GALNS: variants seen among roughly 807,000 people sequenced by gnomAD.
GALNS encodes galactosamine (N-acetyl)-6-sulfatase.
In GALNS, 65 loss-of-function variants were observed where a neutral mutation model predicts 65.9. The ratio of observed to expected loss-of-function variants is 0.99; its 90% CI spans 0.81 to 1.21. The LOEUF is 1.21. Ranked by LOEUF, GALNS falls within the 50% of genes most tolerant of loss-of-function variation. GALNS has a pLI of 0.00. For synonymous variants in GALNS, 346 were observed against 288.9 expected, an observed-to-expected ratio of 1.20 and a Z score of -2.00; for missense variants, 776 against 700.7, an observed-to-expected ratio of 1.11 and a Z score of -1.21.
rs80236712 is a variant in GALNS, at chr16:88,824,045, C to A, written c.1242+722G>T. Among the ~76,000 whole-genome samples the A allele has an allele frequency of 5.5e-3, 842 of 152,286 alleles. 10 individuals are homozygous for A. The highest frequency in any genetic ancestry group is 0.019 in the African/African-American group (806 of 41,556). Reference sequence around the variant, plus strand: ...CAGCCTGGGTGCTCAGCCCTCAGCCCCAGTTCTCACTTCCAGTCTTTAGAC... The same window carrying A: ...CAGCCTGGGTGCTCAGCCCTCAGCCACAGTTCTCACTTCCAGTCTTTAGAC... On this transcript the variant is annotated intron_variant, in intron 11 of 13. Coordinates refer to ENST00000268695, the MANE Select transcript of GALNS (RefSeq NM_000512.5).
At chr16:88,856,548 C>G (rs1240524201) in intron 1 of GALNS, 10 of 689,000 alleles carry the variant, frequency 1.5e-5, no homozygotes, top group Non-Finnish European at 2.6e-5. Flanking sequence ...CGCGGCCACT[C>G]CCCGAGGGGC....
intron 1 of GALNS, among the ~76,000 whole-genome samples, chr16:88,850,980 CAT>C (rs1967482122): frequency 6.6e-6 from 1 of 152,236 alleles, no homozygotes; most frequent in African/African-American, 2.4e-5. Flanking sequence ...ACCTCCCACA[CAT>C]GTGCCTTCTG....
At position 88,852,173 on chromosome 16, in the gene GALNS, G is replaced by A. The variant is rs148743093; in HGVS notation, c.120+4585C>T. Among the ~76,000 whole-genome samples, 455 of 152,314 alleles carry A rather than the reference G, an allele frequency of 3.0e-3. 4 individuals carry two copies. Among genetic ancestry groups the A allele is most frequent in the African/African-American group, 0.01 (431 of 41,556 alleles). ...ACAAAGCTTCCAGAAGAAGGATCAG[G>A]CAGCAATATTTACTATTCTGCAATA... On this transcript the variant is annotated intron_variant, in intron 1 of 13. Coordinates refer to ENST00000268695, the MANE Select transcript of GALNS (RefSeq NM_000512.5).
chr16:88,815,374 C>T (rs763449061), intron 13 of GALNS: 2 of 985,378 alleles, frequency 2.0e-6, no homozygotes, highest in Non-Finnish European at 2.4e-6. Flanking sequence ...TTCAGCCTCT[C>T]AAGAAGCCTT....
At chr16:88,843,008 G>A in intron 1 of GALNS, 179 bp from the exon 2 acceptor site, 1 of 1,526,356 alleles carries the variant, frequency 6.6e-7, no homozygotes, top group African/African-American at 1.4e-5. Context: ...GCACGATGGG[G>A]CCGCTCCACG....
At chr16:88,855,336 A>G in intron 1 of GALNS, 1 of 700,404 alleles carries the variant, frequency 1.4e-6, no homozygotes, top group Non-Finnish European at 2.6e-6. Context: ...GAGTTACACA[A>G]TGAAAAGAAG....
At chr16:88,814,634 C>A (rs1312431298) in intron 13 of GALNS, 109 bp from the exon 14 acceptor site, 8 of 1,526,086 alleles carry the variant, frequency 5.2e-6, no homozygotes, top group African/African-American at 1.4e-5. Context: ...CACTCTGTCA[C>A]CCAGGCTGGA....
chr16:88,853,314 G>C (rs907588978), intron 1 of GALNS, among the ~76,000 whole-genome samples: 3 of 150,854 alleles, frequency 2.0e-5, no homozygotes, highest in African/African-American at 4.9e-5. Flanking sequence ...CGTTCAGCGA[G>C]CACAGCTGTG....
intron 1 of GALNS, among the ~76,000 whole-genome samples, chr16:88,852,932 G>A (rs573841569): frequency 6.6e-6 from 1 of 152,130 alleles, no homozygotes; most frequent in South Asian, 2.1e-4. Flanking sequence ...TCCAGCCTGG[G>A]TGACAGAGCC....
chr16:88,827,188 G>A, intron 9 of GALNS: 1 of 374,238 alleles, frequency 2.7e-6, no homozygotes, highest in Non-Finnish European at 5.1e-6. Flanking sequence ...AATGCCCTAA[G>A]GCCACTGTGA....
chr16:88,843,398 C>A (rs1459807654), intron 1 of GALNS: 1 of 393,970 alleles, frequency 2.5e-6, no homozygotes, highest in Non-Finnish European at 4.7e-6. Flanking sequence ...CAGGGCAGCA[C>A]GACTCAGTGG....
chr16:88,843,916 A>G (rs1023890850), intron 1 of GALNS: 1 of 150,938 alleles, frequency 6.6e-6, no homozygotes, highest in Non-Finnish European at 1.5e-5. Flanking sequence ...ACAGGCTGTG[A>G]TTTGCTCATT....
intron 7 of GALNS, among the ~76,000 whole-genome samples, 163 bp downstream of exon 7, chr16:88,835,562 C>T (rs1284394895): frequency 5.9e-5 from 9 of 152,234 alleles, no homozygotes; most frequent in Admixed American, 6.5e-5. Flanking sequence ...CCACCACAGC[C>T]CTCCTCTGCT....
intron 1 of GALNS, chr16:88,856,218 A>G (rs1426410721): frequency 1.4e-6 from 1 of 703,004 alleles, no homozygotes; most frequent in Non-Finnish European, 2.6e-6. Flanking sequence ...TTCGCTCAGC[A>G]TTCTCCAGAG....
chr16:88,854,146 C>T (rs1458494275), intron 1 of GALNS, among the ~76,000 whole-genome samples: 1 of 152,226 alleles, frequency 6.6e-6, no homozygotes. Context: ...GAACTTGAGA[C>T]ATGCACACTC....
Position 88,837,749 on chromosome 16 carries a change from GC to G in GALNS, c.438del (p.Arg146SerfsTer7). On this transcript the variant is annotated frameshift_variant, in exon 5 of 14. Transcript: ENST00000268695. LOFTEE classifies it high-confidence loss of function. ...KIVGKWHLGH[R>X]PQFHPLKHGF... is the part of the protein sequence containing the mutation. ...CCGTGCTTCAGGGGGTGGAACTGGG[GC>G]CTGTGACCCAGATGCCTGGAAACAG... 6.2e-7 allele frequency: 1 copy of G among 1,613,978 alleles called. No homozygotes were observed. The highest frequency in any genetic ancestry group is 1.1e-5 in the South Asian group (1 of 91,080).
At chr16:88,842,080 C>T (rs1254239505) in intron 2 of GALNS, 109 bp from the exon 3 acceptor site, 10 of 982,872 alleles carry the variant, frequency 1.0e-5, no homozygotes, top group South Asian at 4.1e-5. Context: ...ACGAGGCACG[C>T]GCAGGTTTAC....
Position 88,837,769 on chromosome 16 carries a change from G to A in GALNS, c.423-4C>T, listed in dbSNP as rs1567533372. ...CTGGGGCCTGTGACCCAGATGCCTG[G>A]AAACAGGAACCCAGGACACTTCAGG... On this transcript the variant is annotated splice_region_variant and splice_polypyrimidine_tract_variant and intron_variant, in intron 4 of 13. Coordinates refer to ENST00000268695, the MANE Select transcript of GALNS (RefSeq NM_000512.5). 4 of 1,613,764 alleles carry A rather than the reference G, an allele frequency of 2.5e-6. No individual in the cohort carries two copies. The highest frequency in any genetic ancestry group is 3.4e-6 in the Non-Finnish European group (4 of 1,179,990).
intron 13 of GALNS, chr16:88,814,986 G>A: frequency 3.1e-6 from 3 of 959,594 alleles, no homozygotes; most frequent in Non-Finnish European, 3.7e-6. Flanking sequence ...ACCTGCCTTG[G>A]CCTCCCAAAG....
Sources: allele counts gnomAD v4.1 joint callset (sites outside exome capture counted in the v4.1 genomes callset), GRCh38; gene constraint gnomAD v4.1.1; transcripts MANE v1.5; gene names NCBI Gene and HGNC (gene_info 2026-07-23, HGNC 2026-07-21).